FNBP1L: variants seen among roughly 807,000 people sequenced by gnomAD.
FNBP1L encodes formin-binding protein 1-like.
In FNBP1L, 36 loss-of-function variants were observed where a neutral mutation model predicts 91.2. The observed-to-expected ratio is 0.39, with a 90% CI of 0.30 to 0.52. The LOEUF (loss-of-function observed/expected upper bound fraction) is 0.52. Among genes scored for constraint, FNBP1L ranks in the 20% least tolerant of loss-of-function variants. The probability of loss-of-function intolerance (pLI) is 0.66; values close to 1 mark genes in which losing one functional copy is unlikely to be tolerated. For synonymous variants in FNBP1L, 242 were observed against 237.0 expected (o/e 1.02, Z -0.19); for missense variants, 571 against 732.1 (o/e 0.78, Z 2.54).
intron 7 of FNBP1L, among the ~76,000 whole-genome samples, chr1:93,531,232 A>G (rs1229055318): frequency 6.6e-6 from 1 of 152,218 alleles, no homozygotes; most frequent in Admixed American, 6.5e-5. Flanking sequence ...ACCAAACCAG[A>G]GTCATTGGCA....
intron 16 of FNBP1L, chr1:93,552,042 G>A: frequency 9.7e-7 from 1 of 1,028,456 alleles, no homozygotes; most frequent in Non-Finnish European, 1.2e-6. Context: ...TGACTATCTG[G>A]GTTAGAGGAA....
intron 1 of FNBP1L, among the ~76,000 whole-genome samples, chr1:93,466,403 T>G (rs1019831052): frequency 2.0e-5 from 3 of 152,314 alleles, no homozygotes; most frequent in Middle Eastern, 3.4e-3. Context: ...GGGATCCAGT[T>G]TCAGCTTTCT....
At chr1:93,552,064 C>A (rs937432707) in intron 16 of FNBP1L, 7 of 1,053,336 alleles carry the variant, frequency 6.6e-6, no homozygotes, top group Non-Finnish European at 8.0e-6. Context: ...ATATGTGTAC[C>A]GCCTTTAGGG....
rs139746334 is a variant in FNBP1L at position 93,505,173 on chromosome 1, G to A, written c.140+5590G>A. ...GTCGCCCAGCCTGGAGTGCAGTGGCGCGATCTTGGCTCACTGCAACTTCCG... is the reference window on the plus strand; with the variant it reads ...GTCGCCCAGCCTGGAGTGCAGTGGCACGATCTTGGCTCACTGCAACTTCCG... On this transcript the variant is annotated intron_variant, in intron 2 of 16. Coordinates refer to ENST00000271234, the MANE Select transcript of FNBP1L (RefSeq NM_001164473.3). 9.9e-3 allele frequency among the ~76,000 whole-genome samples: 1,461 copies of A among 148,312 alleles called. 26 individuals carry two copies. Among genetic ancestry groups the A allele is most frequent in the African/African-American group, 0.034 (1,353 of 39,962 alleles).
At chr1:93,465,236 G>A (rs1471710113) in intron 1 of FNBP1L, among the ~76,000 whole-genome samples, 2 of 151,672 alleles carry the variant, frequency 1.3e-5, no homozygotes, top group East Asian at 3.9e-4. Context: ...TAAGTTCTAG[G>A]GTACATGTGC....
At chr1:93,468,521 C>A (rs1001801010) in intron 1 of FNBP1L, among the ~76,000 whole-genome samples, 2 of 152,152 alleles carry the variant, frequency 1.3e-5, no homozygotes, top group Non-Finnish European at 2.9e-5. Context: ...GCCTCGACTT[C>A]CTGGGTTCAA....
At chr1:93,494,316 G>T (rs1167589156) in intron 1 of FNBP1L, among the ~76,000 whole-genome samples, 1 of 152,228 alleles carries the variant, frequency 6.6e-6, no homozygotes, top group African/African-American at 2.4e-5. Flanking sequence ...TTCCTGTGGA[G>T]TTGAGATGCA....
At position 93,529,660 on chromosome 1, in the gene FNBP1L, G is replaced by T; in HGVS notation, c.414G>T (p.Lys138Asn). ...MCWKQMDNSK[K>N]KFERECREAE... Reference sequence around the variant, plus strand: ...TTTAATTTTTTTAACAGAGTAAAAAGAAGTTTGAAAGAGAATGTAGAGAGG... The same window carrying T: ...TTTAATTTTTTTAACAGAGTAAAAATAAGTTTGAAAGAGAATGTAGAGAGG... The change falls in exon 6 of 17, where the codon AAG (lysine) becomes AAT (asparagine). Residue 138 changes from lysine to asparagine, a missense_variant. Lys to Asn is a moderately conservative substitution (Grantham distance 94). Transcript: ENST00000271234. The T allele has an allele frequency of 6.7e-7, 1 of 1,485,852 alleles. No individual in the cohort carries two copies. Among genetic ancestry groups the T allele is most frequent in the Non-Finnish European group, 8.9e-7 (1 of 1,122,030 alleles). The allele number at this position is 1,485,852 out of a possible 1,614,324, so 92.0% of individuals were successfully genotyped here. A position where few individuals can be genotyped will look rare whatever the true frequency, so the allele number is the denominator to read the frequency against.
At chr1:93,476,908 T>A (rs1292555253) in intron 1 of FNBP1L, among the ~76,000 whole-genome samples, 1 of 152,198 alleles carries the variant, frequency 6.6e-6, no homozygotes, top group African/African-American at 2.4e-5. Flanking sequence ...ATCCTTCCAG[T>A]CATTTAAGAT....
chr1:93,493,461 C>T (rs1250117989), intron 1 of FNBP1L, among the ~76,000 whole-genome samples: 3 of 152,158 alleles, frequency 2.0e-5, no homozygotes, highest in Non-Finnish European at 2.9e-5. Context: ...ACAACCATCA[C>T]CACCATAAAT....
intron 1 of FNBP1L, among the ~76,000 whole-genome samples, chr1:93,450,548 G>T (rs1570752025): frequency 6.6e-6 from 1 of 152,150 alleles, no homozygotes; most frequent in Non-Finnish European, 1.5e-5. Context: ...AAAAATTTGA[G>T]TATGCTTCCT....
chr1:93,500,591 T>C (rs1670413125), intron 2 of FNBP1L, among the ~76,000 whole-genome samples: 1 of 152,170 alleles, frequency 6.6e-6, no homozygotes, highest in Non-Finnish European at 1.5e-5. Context: ...CATACTGACT[T>C]TGGTTAGGTT....
At chr1:93,533,839 T>C (rs988345765) in intron 8 of FNBP1L, among the ~76,000 whole-genome samples, 1 of 152,174 alleles carries the variant, frequency 6.6e-6, no homozygotes, top group African/African-American at 2.4e-5. Flanking sequence ...AGCCCTCTTC[T>C]CTCTAATTAC....
At chr1:93,520,760 C>G (rs375124105) in intron 2 of FNBP1L, among the ~76,000 whole-genome samples, 8 of 152,036 alleles carry the variant, frequency 5.3e-5, no homozygotes, top group African/African-American at 1.7e-4. Flanking sequence ...TACATAAAAG[C>G]CAGGATTCAG....
At chr1:93,474,627 G>C (rs1669429309) in intron 1 of FNBP1L, among the ~76,000 whole-genome samples, 1 of 152,114 alleles carries the variant, frequency 6.6e-6, no homozygotes. Flanking sequence ...TGATTTACTA[G>C]GTCTGGAGAG....
intron 1 of FNBP1L, among the ~76,000 whole-genome samples, chr1:93,457,178 T>G (rs1668700036): frequency 6.6e-6 from 1 of 152,212 alleles, no homozygotes; most frequent in Non-Finnish European, 1.5e-5. Context: ...AGCCACTGCG[T>G]CTGACCTCCA....
intron 1 of FNBP1L, among the ~76,000 whole-genome samples, chr1:93,496,875 G>T (rs1191430250): frequency 6.6e-6 from 1 of 152,098 alleles, no homozygotes. Context: ...GAAACATCCA[G>T]AATAATGTTC....
intron 14 of FNBP1L, among the ~76,000 whole-genome samples, 165 bp from the exon 15 acceptor site, chr1:93,549,113 A>G (rs1340802004): frequency 1.3e-5 from 2 of 152,172 alleles, no homozygotes; most frequent in Non-Finnish European, 2.9e-5. Flanking sequence ...ATTTTGTATT[A>G]GAAGTAATTT....
intron 1 of FNBP1L, among the ~76,000 whole-genome samples, chr1:93,476,237 A>T (rs1237653921): frequency 6.6e-6 from 1 of 152,208 alleles, no homozygotes; most frequent in African/African-American, 2.4e-5. Flanking sequence ...AGTAGACTGT[A>T]AACTCTTAAG....
Sources: gnomAD v4.1 joint callset for allele counts (sites outside exome capture counted in the v4.1 genomes callset) on GRCh38, gnomAD v4.1.1 for gene constraint, MANE v1.5 for transcripts, NCBI Gene and HGNC (gene_info 2026-07-23, HGNC 2026-07-21) for gene names.